Variants in MYH7 observed in about 807,000 individuals in gnomAD.
The protein encoded by MYH7 is myosin-7.
MYH7 carries 129 observed loss-of-function variants against 225.4 expected under a neutral mutation model. The observed-to-expected ratio is 0.57, with a 90% CI of 0.50 to 0.66. The LOEUF is 0.66. Among genes scored for constraint, MYH7 ranks in the 30% least tolerant of loss-of-function variants. MYH7 has a pLI of 0.00. For synonymous variants in MYH7, 971 were observed against 1,007.6 expected (o/e 0.96, Z 0.69); for missense variants, 1,649 against 2,517.0 (o/e 0.66, Z 7.38).
chr14:23,425,290 C>T lies in MYH7; in HGVS notation c.2415G>A (p.Leu805=). Reference sequence around the variant, plus strand: ...CTCTTGAGATCTCTCACCTACGTTCCAGCAGCTTTTTGTACTCCATTCTGG... The same window carrying T: ...CTCTTGAGATCTCTCACCTACGTTCTAGCAGCTTTTTGTACTCCATTCTGG... The part of the protein sequence containing the change: ...VLARMEYKKL[L]ERRDSLLVIQ... Residue 805 remains leucine, a synonymous_variant, in exon 21 of 40, where the codon CTG becomes CTA. Coordinates refer to ENST00000355349, the MANE Select transcript of MYH7 (RefSeq NM_000257.4). The surrounding 1 kb of genome is among the most constrained non-coding windows in gnomAD (Gnocchi z 4.6). 6.2e-7 allele frequency: 1 copy of T among 1,614,176 alleles called. No homozygotes were observed. The highest frequency in any genetic ancestry group is 8.5e-7 in the Non-Finnish European group (1 of 1,180,038).
rs781288581 is a variant in MYH7 at position 23,427,862 on chromosome 14, C to T, written c.1611G>A (p.Glu537=). ...TGTCGGTGGCCTTGGGGAACATGCA[C>T]TCCTCTTCCAGGATGGACATGATGC... The part of the protein sequence containing the change: ...PMGIMSILEE[E]CMFPKATDMT... Residue 537 remains glutamate, a synonymous_variant, in exon 16 of 40, where the codon GAG becomes GAA. Transcript: ENST00000355349. The T allele has an allele frequency of 5.6e-6, 9 of 1,614,182 alleles. No homozygotes were observed. The highest frequency in any genetic ancestry group is 6.8e-6 in the Non-Finnish European group (8 of 1,180,038).
intron 30 of MYH7, 115 bp downstream of exon 30, chr14:23,418,095 T>A: frequency 6.7e-7 from 1 of 1,488,552 alleles, no homozygotes; most frequent in Non-Finnish European, 9.4e-7. Context: ...AGAGTCCTCC[T>A]GTGTTGTCAA....
In MYH7 at chr14:23,415,356, C is replaced by T. The variant is rs201089330; in HGVS notation, c.5283+25G>A. ...CCCACGGAGAGACACTGGTCTGGATCGGGTCGGTGGAGTGGGGGACTTACA... is the reference window on the plus strand; with the variant it reads ...CCCACGGAGAGACACTGGTCTGGATTGGGTCGGTGGAGTGGGGGACTTACA... On this transcript the variant is annotated intron_variant, in intron 36 of 39. Transcript: ENST00000355349. This position sits in a 1 kb window ranked among gnomAD's most constrained non-coding sequence, Gnocchi z 6.3. The T allele has an allele frequency of 4.0e-4, 652 of 1,614,084 alleles. 1 individual carries two copies. The highest frequency in any genetic ancestry group is 5.0e-4 in the Non-Finnish European group (586 of 1,180,044).
chr14:23,432,691 G>A lies in MYH7; in HGVS notation c.450C>T (p.Ala150=), dbSNP rs770436373. 6.2e-7 allele frequency: 1 copy of A among 1,614,108 alleles called. No homozygotes were observed. ...AAYRGKKRSE[A]PPHIFSISDN... is the part of the protein sequence containing the mutation. ...CGGAGATGGAGAAGATGTGGGGCGG[G>A]GCCTCGCTCCTCTTCTTGCCCCGGT... Residue 150 remains alanine, a synonymous_variant, in exon 5 of 40, where the codon GCC becomes GCT. Coordinates refer to ENST00000355349, the MANE Select transcript of MYH7 (RefSeq NM_000257.4).
In MYH7 at chr14:23,433,246, A is replaced by G. The variant is rs1327345756; in HGVS notation, c.202-19T>C. On this transcript the variant is annotated intron_variant, in intron 3 of 39. Coordinates refer to ENST00000355349, the MANE Select transcript of MYH7 (RefSeq NM_000257.4). The surrounding 1 kb of genome is among the most constrained non-coding windows in gnomAD (Gnocchi z 4.1). ...TCACTGTCTGCAAGAGCCCCCACCC[A>G]AGCCCTCCTGTCAGCCTGGGCTTTC... 1 of 1,614,120 alleles carries G rather than the reference A, an allele frequency of 6.2e-7. No homozygotes were observed. Among genetic ancestry groups the G allele is most frequent in the South Asian group, 1.1e-5 (1 of 91,078 alleles).
In MYH7 at chr14:23,425,773, A is replaced by C; in HGVS notation, c.2208T>G (p.Ile736Met). Residue 736 changes from isoleucine (I) to methionine (M), a missense_variant, in exon 20 of 40, where the codon ATT becomes ATG. Transcript: ENST00000355349. This position sits in a 1 kb window ranked among gnomAD's most constrained non-coding sequence, Gnocchi z 4.6. ...NPAAIPEGQFIDSRKGAEKLL... is the reference protein window; with the variant it reads ...NPAAIPEGQFMDSRKGAEKLL... ...GCTTCTCTGCCCCCTTCCTGCTATC[A>C]ATGAACTGTCCCTCAGGGATGGCCG... 6.2e-7 allele frequency: 1 copy of C among 1,613,978 alleles called. No homozygotes were observed. Among genetic ancestry groups the C allele is most frequent in the East Asian group, 2.2e-5 (1 of 44,886 alleles).
At chr14:23,431,090 G>GAGGGA in intron 9 of MYH7, 91 bp from the exon 10 acceptor site, 1 of 960,748 alleles carries the variant, frequency 1.0e-6, no homozygotes, top group East Asian at 2.4e-5. Flanking sequence ...GCAAAAGGCA[G>GAGGGA]AGGGAAGGGA....
intron 29 of MYH7, 144 bp from the exon 30 acceptor site, chr14:23,418,550 G>A (rs1015168912): frequency 8.5e-6 from 9 of 1,057,198 alleles, no homozygotes; most frequent in Non-Finnish European, 1.2e-5. Context: ...ATGGTTTACT[G>A]TTTGCTGATA....
chr14:23,423,609 C>G lies in MYH7; in HGVS notation c.3037G>C (p.Glu1013Gln), dbSNP rs730880764. The change falls in exon 24 of 40, where the codon GAG becomes CAG. Residue 1013 changes from glutamate (E) to glutamine (Q), a missense_variant. This residue lies in a region of MYH7 where 282 missense variants were observed against 315.3 expected (regional missense o/e 0.89). Coordinates refer to ENST00000355349, the MANE Select transcript of MYH7 (RefSeq NM_000257.4). ...GTCAGGGTGTTGACCTTGTCCTCCT[C>G]GGCCTGAAGGTCATCCAGAGCCTGT... ...HQQALDDLQA[E>Q]EDKVNTLTKA... 6.2e-7 allele frequency: 1 copy of G among 1,614,090 alleles called. No homozygotes were observed. Among genetic ancestry groups the G allele is most frequent in the Non-Finnish European group, 8.5e-7 (1 of 1,180,032 alleles).
chr14:23,421,927 C>T (rs1395346629), intron 25 of MYH7, among the ~76,000 whole-genome samples: 1 of 152,180 alleles, frequency 6.6e-6, no homozygotes, highest in African/African-American at 2.4e-5. Flanking sequence ...TATTTTCATT[C>T]CCACTGAGTG....
Position 23,418,212 on chromosome 14 carries a change from G to A in MYH7, c.4167C>T (p.Ala1389=). 1.2e-6 allele frequency: 2 copies of A among 1,613,346 alleles called. No homozygotes were observed. Among genetic ancestry groups the A allele is most frequent in the Non-Finnish European group, 8.5e-7 (1 of 1,180,036 alleles). ...AIQRTEELEE[A]KKKLAQRLQE... Reference sequence around the variant, plus strand: ...AAGTCAGGCTGCTCAGAACTCACTTGGCCTCCTCGAGCTCCTCAGTCCGCT... The same window carrying A: ...AAGTCAGGCTGCTCAGAACTCACTTAGCCTCCTCGAGCTCCTCAGTCCGCT... Residue 1389 remains alanine (A), a splice_region_variant and synonymous_variant, in exon 30 of 40, where the codon GCC becomes GCT. Transcript: ENST00000355349.
At chr14:23,430,041 G>T in intron 11 of MYH7, 128 bp from the exon 12 acceptor site, 11 of 1,109,318 alleles carry the variant, frequency 9.9e-6, no homozygotes, top group Non-Finnish European at 1.3e-5. Flanking sequence ...CATACCCAGT[G>T]GGGAGCTCCA....
Position 23,433,514 on chromosome 14 carries a change from C to T in MYH7, c.201+18G>A. 6.2e-7 allele frequency: 1 copy of T among 1,613,142 alleles called. No homozygotes were observed. Among genetic ancestry groups the T allele is most frequent in the South Asian group, 1.1e-5 (1 of 91,036 alleles). The stretch of plus-strand genomic sequence containing the variant: ...TACAGGTGGCCAGGGTGGACTCTCA[C>T]ATCAGCCTGACACCCACCTTGCCAT... On this transcript the variant is annotated intron_variant, in intron 3 of 39. Transcript: ENST00000355349. This position sits in a 1 kb window ranked among gnomAD's most constrained non-coding sequence, Gnocchi z 4.1.
Position 23,425,561 on chromosome 14 carries a change from G to A in MYH7, c.2286+134C>T. On this transcript the variant is annotated intron_variant, in intron 20 of 39. Transcript: ENST00000355349. The surrounding 1 kb of genome is among the most constrained non-coding windows in gnomAD (Gnocchi z 4.6). Reference sequence around the variant, plus strand: ...CAGCTGGAGCTGGGATGAGGGGAGTGGTGCTAGATGTTCCACTGGGAGGGG... The same window carrying A: ...CAGCTGGAGCTGGGATGAGGGGAGTAGTGCTAGATGTTCCACTGGGAGGGG... 6.4e-7 allele frequency: 1 copy of A among 1,574,252 alleles called. No individual in the cohort carries two copies. Among genetic ancestry groups the A allele is most frequent in the South Asian group, 1.1e-5 (1 of 89,056 alleles).
chr14:23,418,646 C>A (rs1290076167), intron 29 of MYH7, among the ~76,000 whole-genome samples: 1 of 152,210 alleles, frequency 6.6e-6, no homozygotes, highest in Non-Finnish European at 1.5e-5. Context: ...CAGACATGGT[C>A]ATCATCACCG....
At position 23,433,788 on chromosome 14, in the gene MYH7, T is replaced by C; in HGVS notation, c.-8-48A>G. ...GCCCTCCCATCTGCCCATTCTTCCC[T>C]TCCCTCCCTGGGCTCTCCCCTTCAG... On this transcript the variant is annotated intron_variant, in intron 2 of 39. Transcript: ENST00000355349. The surrounding 1 kb of genome is among the most constrained non-coding windows in gnomAD (Gnocchi z 4.1). The C allele has an allele frequency of 1.9e-6, 3 of 1,580,842 alleles. No homozygotes were observed. Among genetic ancestry groups the C allele is most frequent in the Non-Finnish European group, 2.6e-6 (3 of 1,154,364 alleles).
chr14:23,416,748 G>T, intron 33 of MYH7, 120 bp downstream of exon 33: 3 of 1,507,460 alleles, frequency 2.0e-6, no homozygotes, highest in African/African-American at 2.7e-5. Flanking sequence ...TATGTGCCAG[G>T]CTCTGTCCTA....
chr14:23,429,396 C>T (rs769406474), intron 12 of MYH7, 49 bp from the exon 13 acceptor site: 20 of 1,548,280 alleles, frequency 1.3e-5, no homozygotes, highest in Middle Eastern at 3.4e-4. Flanking sequence ...TGACTGCTGG[C>T]CAGGTGTGGT....
rs766412659 is a variant in MYH7, at chr14:23,420,071, C to T, written c.3500G>A (p.Arg1167His). 2.5e-6 allele frequency: 4 copies of T among 1,592,036 alleles called. No homozygotes were observed. The highest frequency in any genetic ancestry group is 4.5e-5 in the East Asian group (2 of 44,136). ...CCGCATCTTCTGGAACTCGGCCTCGCGCTTCTTGTTCATCTCGATCTGCAC... is the reference window on the plus strand; with the variant it reads ...CCGCATCTTCTGGAACTCGGCCTCGTGCTTCTTGTTCATCTCGATCTGCAC... ...TSVQIEMNKKREAEFQKMRRD... is the reference protein window; with the variant it reads ...TSVQIEMNKKHEAEFQKMRRD... Residue 1167 changes from arginine (R) to histidine (H), a missense_variant, in exon 27 of 40, where the codon CGC becomes CAC. Around this residue, in one of 12 missense-constraint regions of MYH7, gnomAD observed 106 missense variants for 198.8 expected, o/e 0.53. Transcript: ENST00000355349.
Sources: allele counts gnomAD v4.1 joint callset (sites outside exome capture counted in the v4.1 genomes callset), GRCh38; gene constraint gnomAD v4.1.1; regional missense constraint gnomAD v4.1.1; non-coding constraint Gnocchi (gnomAD v3.1); transcripts MANE v1.5; gene names NCBI Gene and HGNC (gene_info 2026-07-23, HGNC 2026-07-21).